The following DPP10 variants were observed in gnomAD, a reference collection of about 807,000 sequenced individuals.
DPP10 encodes the protein inactive dipeptidyl peptidase 10.
DPP10 carries 33 observed loss-of-function variants against 120.9 expected under a neutral mutation model. That is an observed-to-expected ratio of 0.27 (90% CI 0.21 to 0.37). The LOEUF is 0.37. Ranked by LOEUF, DPP10 falls within the 10% of genes least tolerant of loss-of-function variation. DPP10 has a pLI of 1.00. For synonymous variants in DPP10, 337 were observed against 326.1 expected, an observed-to-expected ratio of 1.03 and a Z score of -0.36; for missense variants, 816 against 942.8, an observed-to-expected ratio of 0.87 and a Z score of 1.76.
chr2:114,964,425 A>G (rs1574587054), intron 1 of DPP10, among the ~76,000 whole-genome samples: 1 of 152,264 alleles, frequency 6.6e-6, no homozygotes, highest in African/African-American at 2.4e-5. Context: ...AGGACAGTAA[A>G]TAAGAAAAAA....
At chr2:114,842,664 C>T (rs987481953) in intron 1 of DPP10, among the ~76,000 whole-genome samples, 1 of 152,072 alleles carries the variant, frequency 6.6e-6, no homozygotes, top group African/African-American at 2.4e-5. Flanking sequence ...TGCCAGTCTA[C>T]ATAGTTGAGA....
At chr2:115,570,897 C>T (rs2081299660) in intron 5 of DPP10, among the ~76,000 whole-genome samples, 1 of 152,058 alleles carries the variant, frequency 6.6e-6, no homozygotes, top group African/African-American at 2.4e-5. Context: ...AGGGTTATTT[C>T]CAGTGATTAA....
chr2:114,860,201 C>A (rs963097286), intron 1 of DPP10, among the ~76,000 whole-genome samples: 1 of 152,166 alleles, frequency 6.6e-6, no homozygotes, highest in African/African-American at 2.4e-5. Context: ...TAAATGTGGG[C>A]TCTATCTATC....
intron 1 of DPP10, among the ~76,000 whole-genome samples, chr2:115,143,732 G>C (rs1362745718): frequency 6.6e-6 from 1 of 152,110 alleles, no homozygotes; most frequent in Non-Finnish European, 1.5e-5. Flanking sequence ...ATAGCATAAA[G>C]GTATGTGGCA....
At chr2:114,967,471 A>G (rs952752168) in intron 1 of DPP10, among the ~76,000 whole-genome samples, 4 of 152,206 alleles carry the variant, frequency 2.6e-5, no homozygotes, top group African/African-American at 7.2e-5. Context: ...GAAGACTGGC[A>G]TAGAGGGTTG....
At chr2:114,840,271 T>C (rs1185155151) in intron 1 of DPP10, among the ~76,000 whole-genome samples, 1 of 152,128 alleles carries the variant, frequency 6.6e-6, no homozygotes, top group Non-Finnish European at 1.5e-5. Context: ...ATGAGAACAA[T>C]GTTTGAAAGG....
chr2:115,757,405 A>C (rs1183595779), intron 11 of DPP10, among the ~76,000 whole-genome samples: 1 of 152,140 alleles, frequency 6.6e-6, no homozygotes, highest in African/African-American at 2.4e-5. Context: ...ATCATGGCAG[A>C]AGGCAGAGAG....
chr2:115,325,557 C>G (rs2062310718), intron 2 of DPP10, among the ~76,000 whole-genome samples: 1 of 151,712 alleles, frequency 6.6e-6, no homozygotes, highest in South Asian at 2.1e-4. Context: ...ATTGAGGACC[C>G]AAAAATGCTT....
At chr2:115,693,378 G>T (rs1163710866) in intron 7 of DPP10, among the ~76,000 whole-genome samples, 1 of 152,120 alleles carries the variant, frequency 6.6e-6, no homozygotes, top group Non-Finnish European at 1.5e-5. Context: ...CTCTGATGTT[G>T]TGAACAATAG....
chr2:115,596,584 C>T (rs1192989494), intron 5 of DPP10, among the ~76,000 whole-genome samples: 3 of 152,104 alleles, frequency 2.0e-5, no homozygotes, highest in Non-Finnish European at 4.4e-5. Context: ...GTTTTCTTCT[C>T]TAAGCAATTA....
At chr2:115,053,432 C>T (rs1705663196) in intron 1 of DPP10, among the ~76,000 whole-genome samples, 1 of 152,124 alleles carries the variant, frequency 6.6e-6, no homozygotes, top group South Asian at 2.1e-4. Flanking sequence ...TTCATGGAGA[C>T]ATAAAGCAGA....
chr2:114,777,382 A>G (rs1374478732), intron 1 of DPP10, among the ~76,000 whole-genome samples: 1 of 152,072 alleles, frequency 6.6e-6, no homozygotes, highest in African/African-American at 2.4e-5. Context: ...ACCCACATAC[A>G]TTTCTGAAGA....
chr2:114,506,744 C>G (rs1321287531), intron 1 of DPP10, among the ~76,000 whole-genome samples: 1 of 152,166 alleles, frequency 6.6e-6, no homozygotes, highest in East Asian at 1.9e-4. Flanking sequence ...CAAGTGGAGT[C>G]TGACCCTGCC....
chr2:114,992,433 G>C (rs1700803616), intron 1 of DPP10, among the ~76,000 whole-genome samples: 1 of 152,162 alleles, frequency 6.6e-6, no homozygotes, highest in African/African-American at 2.4e-5. Context: ...GATTGCTGCT[G>C]CTACAGCTTC....
intron 1 of DPP10, among the ~76,000 whole-genome samples, chr2:114,934,767 G>A (rs949874138): frequency 6.6e-6 from 1 of 152,116 alleles, no homozygotes; most frequent in Admixed American, 6.5e-5. Context: ...TTCAGTAGCA[G>A]AGGCTAGGAA....
At chr2:115,829,275 T>C (rs1390470679) in intron 21 of DPP10, among the ~76,000 whole-genome samples, 1 of 152,148 alleles carries the variant, frequency 6.6e-6, no homozygotes, top group East Asian at 1.9e-4. Flanking sequence ...GCCAGTTTCC[T>C]AGCTCCGTTG....
intron 1 of DPP10, among the ~76,000 whole-genome samples, chr2:114,827,126 A>G (rs1467703992): frequency 6.6e-6 from 1 of 151,992 alleles, no homozygotes; most frequent in Admixed American, 6.6e-5. Context: ...GGAGAAAAGG[A>G]TGTTAAGTTC....
At chr2:114,518,069 A>ATTTTT (rs751351962) in intron 1 of DPP10, among the ~76,000 whole-genome samples, 1 of 54,140 alleles carries the variant, frequency 1.8e-5, no homozygotes. Flanking sequence ...TGAGCTATTC[A>ATTTTT]TTTTTTTTTT....
intron 19 of DPP10, among the ~76,000 whole-genome samples, chr2:115,810,853 A>G (rs769569510): frequency 1.3e-5 from 2 of 152,168 alleles, no homozygotes; most frequent in Non-Finnish European, 2.9e-5. Context: ...AATGAGGGAG[A>G]CACTCAGAAA....
Sources: allele counts gnomAD v4.1 joint callset (sites outside exome capture counted in the v4.1 genomes callset), GRCh38; gene constraint gnomAD v4.1.1; transcripts MANE v1.5; gene names NCBI Gene and HGNC (gene_info 2026-07-23, HGNC 2026-07-21).